The following TASP1 variants were observed in gnomAD, a reference collection of about 807,000 sequenced individuals.
TASP1 encodes the protein threonine aspartase 1.
A neutral mutation model predicts 56.6 loss-of-function variants in TASP1; 16 were observed. The ratio of observed to expected loss-of-function variants is 0.28; its 90% CI spans 0.19 to 0.43. TASP1 has a LOEUF of 0.43. TASP1 is among the 20% of genes least tolerant of loss of function. TASP1 has a pLI of 1.00. For synonymous variants in TASP1, 179 were observed against 184.2 expected, an observed-to-expected ratio of 0.97 and a Z score of 0.23; for missense variants, 393 against 511.6, an observed-to-expected ratio of 0.77 and a Z score of 2.24.
the TASP1 span, among the ~76,000 whole-genome samples, chr20:13,269,242 T>C: frequency 0.24 from 36,902 of 151,954 alleles, 4,891 homozygotes; most frequent in African/African-American, 0.36. Context: ...AACATGAAAA[T>C]GCTATCCCTG....
chr20:13,340,091 G>A, the TASP1 span, among the ~76,000 whole-genome samples: 1 of 152,030 alleles, frequency 6.6e-6, no homozygotes, highest in Non-Finnish European at 1.5e-5. Flanking sequence ...TGCAGCTTAG[G>A]TGGGCATATG....
rs144927727 is a variant in TASP1 at position 13,563,461 on chromosome 20, T to C, written c.569-4347A>G. ...ATACCAAAACCATACAAAGACACCA[T>C]AAGAAAGCTATCAACCAATACCCCT... On this transcript the variant is annotated intron_variant, in intron 7 of 13. Coordinates refer to ENST00000337743, the MANE Select transcript of TASP1 (RefSeq NM_017714.3). Among the ~76,000 whole-genome samples the C allele has an allele frequency of 1.5e-3, 228 of 152,138 alleles. 4 individuals are homozygous for C. Among genetic ancestry groups the C allele is most frequent in the South Asian group, 1.2e-3 (6 of 4,816 alleles).
intron 12 of TASP1, among the ~76,000 whole-genome samples, chr20:13,434,324 T>C (rs983736198): frequency 2.6e-5 from 4 of 152,140 alleles, no homozygotes; most frequent in Non-Finnish European, 5.9e-5. Context: ...TTTATGCAGA[T>C]TTTTTTAATG....
At chr20:13,311,182 GA>G in the TASP1 span, among the ~76,000 whole-genome samples, 34 of 144,882 alleles carry the variant, frequency 2.3e-4, no homozygotes, top group Non-Finnish European at 4.7e-4. Context: ...CAACAAGAGT[GA>G]AACTCCATCT....
In TASP1 at chr20:13,389,457, C is replaced by T. The variant is rs1283303340; in HGVS notation, c.*903G>A. 1 of 152,258 alleles carries T rather than the reference C, an allele frequency of 6.6e-6. No homozygotes were observed. Among genetic ancestry groups the T allele is most frequent in the South Asian group, 2.1e-4 (1 of 4,830 alleles). The allele number at this position is 152,258 out of a possible 1,614,324, so 9.4% of individuals were successfully genotyped here. ...GTCACATACTATACCCAGTAATACG[C>T]TTCTTTTATTTTTGTGCCTTTATCT... On this transcript the variant is annotated 3_prime_UTR_variant, in exon 14 of 14. Transcript: ENST00000337743.
At chr20:13,176,576 A>AT in the TASP1 span, among the ~76,000 whole-genome samples, 649 of 150,756 alleles carry the variant, frequency 4.3e-3, 1 homozygote, top group African/African-American at 7.3e-3. Flanking sequence ...ATCATGGTGT[A>AT]TTTTTTTTTG....
At chr20:13,289,911 T>G in the TASP1 span, among the ~76,000 whole-genome samples, 1 of 152,194 alleles carries the variant, frequency 6.6e-6, no homozygotes, top group South Asian at 2.1e-4. Flanking sequence ...ACAGAAAATC[T>G]GATCCTTACA....
chr20:13,389,161 A>C (rs1377676376), downstream of TASP1, among the ~76,000 whole-genome samples: 1 of 152,254 alleles, frequency 6.6e-6, no homozygotes, highest in Non-Finnish European at 1.5e-5. Context: ...CAATTTTTCA[A>C]AGCAAAGTGT....
At chr20:13,263,610 T>A in the TASP1 span, among the ~76,000 whole-genome samples, 1 of 152,200 alleles carries the variant, frequency 6.6e-6, no homozygotes, top group Non-Finnish European at 1.5e-5. Context: ...TTTAGATGTG[T>A]GGAACTGTTC....
chr20:13,419,500 A>C (rs990429421), intron 12 of TASP1, among the ~76,000 whole-genome samples: 7 of 152,258 alleles, frequency 4.6e-5, no homozygotes, highest in Non-Finnish European at 1.0e-4. Flanking sequence ...ACATTCCAGT[A>C]CACAGCATCA....
intron 11 of TASP1, among the ~76,000 whole-genome samples, chr20:13,443,410 A>T (rs1035033132): frequency 6.6e-6 from 1 of 152,222 alleles, no homozygotes; most frequent in Non-Finnish European, 1.5e-5. Context: ...AAATTAAGAC[A>T]ATCTTAAATT....
At chr20:13,262,839 G>GC in the TASP1 span, among the ~76,000 whole-genome samples, 2 of 152,170 alleles carry the variant, frequency 1.3e-5, no homozygotes, top group East Asian at 3.9e-4. Flanking sequence ...GCAAAGAGTT[G>GC]CCCATTCTTC....
intron 4 of TASP1, chr20:13,616,906 A>G (rs1404853432): frequency 8.5e-6 from 3 of 350,920 alleles, no homozygotes; most frequent in Non-Finnish European, 1.7e-5. Context: ...CTTTGTCTGC[A>G]CATGGCCACC....
At chr20:13,387,178 G>A (rs1004036746), downstream of TASP1, among the ~76,000 whole-genome samples, 8 of 126,200 alleles carry the variant, frequency 6.3e-5, no homozygotes, top group Non-Finnish European at 1.3e-4. Context: ...GAGAGGACAT[G>A]ATTTCATTTT....
intron 12 of TASP1, among the ~76,000 whole-genome samples, chr20:13,420,213 T>A (rs183715767): frequency 0.011 from 1,690 of 152,284 alleles, 14 homozygotes; most frequent in Non-Finnish European, 0.019. Context: ...TTAATGATTT[T>A]TAAATGTATT....
the TASP1 span, among the ~76,000 whole-genome samples, chr20:13,224,713 T>C: frequency 6.6e-6 from 1 of 152,178 alleles, no homozygotes; most frequent in African/African-American, 2.4e-5. Context: ...CACATTCTTA[T>C]TTAAGGATAT....
chr20:13,133,357 G>A, the TASP1 span, among the ~76,000 whole-genome samples: 3 of 151,766 alleles, frequency 2.0e-5, no homozygotes, highest in African/African-American at 4.8e-5. Flanking sequence ...GAGAATCACT[G>A]CTGCATAATG....
the TASP1 span, among the ~76,000 whole-genome samples, chr20:13,141,955 C>A: frequency 4.6e-5 from 7 of 152,292 alleles, no homozygotes; most frequent in East Asian, 1.4e-3. Context: ...TTGCTGCTTA[C>A]CTACATGTGT....
At chr20:13,116,870 C>T in the TASP1 span, among the ~76,000 whole-genome samples, 5 of 152,120 alleles carry the variant, frequency 3.3e-5, no homozygotes, top group African/African-American at 9.7e-5. Context: ...TGTGTTTTAA[C>T]AAATCCTTCA....
Sources: allele counts gnomAD v4.1 joint callset (sites outside exome capture counted in the v4.1 genomes callset), GRCh38; gene constraint gnomAD v4.1.1; transcripts MANE v1.5; gene names NCBI Gene and HGNC (gene_info 2026-07-23, HGNC 2026-07-21).